TANC1: variants seen among roughly 807,000 people sequenced by gnomAD.
The protein encoded by TANC1 is tetratricopeptide repeat, ankyrin repeat and coiled-coil containing 1.
TANC1 carries 77 observed loss-of-function variants against 149.7 expected under a neutral mutation model. That is an observed-to-expected ratio of 0.51 (90% CI 0.43 to 0.62). The LOEUF is 0.62. Ranked by LOEUF, TANC1 falls within the 20% of genes least tolerant of loss-of-function variation. The probability of loss-of-function intolerance (pLI) is 0.00; values close to 1 mark genes in which losing one functional copy is unlikely to be tolerated. For synonymous variants in TANC1, 854 were observed against 925.0 expected (o/e 0.92, Z 1.39); for missense variants, 1,985 against 2,321.8 (o/e 0.85, Z 2.98).
chr2:159,103,436 T>G (rs2046919557), intron 4 of TANC1, among the ~76,000 whole-genome samples: 1 of 96,802 alleles, frequency 1.0e-5, no homozygotes, highest in Non-Finnish European at 2.9e-5. Flanking sequence ...TGGTGCTTTG[T>G]GCGGCCTAAC....
At chr2:159,093,816 A>G (rs936130895) in intron 3 of TANC1, among the ~76,000 whole-genome samples, 2 of 152,112 alleles carry the variant, frequency 1.3e-5, no homozygotes, top group African/African-American at 4.8e-5. Context: ...GCTGCTCCAA[A>G]GGCTGAAGGT....
intron 19 of TANC1, among the ~76,000 whole-genome samples, chr2:159,201,452 A>C (rs761261997): frequency 2.5e-4 from 38 of 152,190 alleles, no homozygotes; most frequent in Non-Finnish European, 5.1e-4. Context: ...GGTTCTCACC[A>C]AGGCTCAACT....
In TANC1 at chr2:159,199,027, G is replaced by A. The variant is rs2058061972; in HGVS notation, c.3218G>A (p.Gly1073Asp). The A allele has an allele frequency of 6.2e-7, 1 of 1,613,850 alleles. No individual in the cohort carries two copies. Among genetic ancestry groups the A allele is most frequent in the African/African-American group, 1.3e-5 (1 of 74,902 alleles). Residue 1073 changes from glycine to aspartate, a missense_variant, in exon 19 of 27, where the codon GGC (glycine) becomes GAC (aspartate). Gly to Asp is a moderately conservative substitution (Grantham distance 94). Around this residue, in one of 3 missense-constraint regions of TANC1, gnomAD observed 920 missense variants for 994.7 expected, o/e 0.92. Transcript: ENST00000263635. Reference protein sequence around the residue: ...MEKEHEVEVNGTDTLWGETAL... With the variant: ...MEKEHEVEVNDTDTLWGETAL... ...AAGGAACATGAAGTAGAAGTCAATG[G>A]CACCGACACATTGTGGGGAGAAACA...
intron 3 of TANC1, among the ~76,000 whole-genome samples, chr2:159,084,760 T>TG: frequency 6.6e-6 from 1 of 152,340 alleles, no homozygotes; most frequent in Non-Finnish European, 1.5e-5. Flanking sequence ...CTAAATTATC[T>TG]GGGGCTAAGT....
intron 14 of TANC1, among the ~76,000 whole-genome samples, chr2:159,180,815 G>C (rs2056394237): frequency 6.6e-6 from 1 of 152,222 alleles, no homozygotes; most frequent in Non-Finnish European, 1.5e-5. Context: ...GACACCAATT[G>C]TTGGGACAAG....
intron 2 of TANC1, among the ~76,000 whole-genome samples, chr2:159,054,036 AGT>A (rs564963949): frequency 4.2e-4 from 64 of 152,264 alleles, no homozygotes; most frequent in African/African-American, 1.4e-3. Flanking sequence ...CTAGGAGTGA[AGT>A]GTGTGTGAGC....
At chr2:159,151,099 GA>G (rs1212082383) in intron 7 of TANC1, among the ~76,000 whole-genome samples, 1 of 152,138 alleles carries the variant, frequency 6.6e-6, no homozygotes, top group African/African-American at 2.4e-5. Context: ...TAGGAGTCAG[GA>G]GACTTGGGTT....
At chr2:159,221,268 C>A (rs1007601581) in intron 22 of TANC1, among the ~76,000 whole-genome samples, 6 of 152,052 alleles carry the variant, frequency 3.9e-5, no homozygotes, top group African/African-American at 1.4e-4. Context: ...GTAATCCCAG[C>A]TACTCAGAAG....
chr2:158,980,270 T>A (rs2034147540), intron 1 of TANC1, among the ~76,000 whole-genome samples: 1 of 152,140 alleles, frequency 6.6e-6, no homozygotes, highest in Non-Finnish European at 1.5e-5. Context: ...CCAAACACAT[T>A]GAATTGTAGA....
Position 159,231,204 on chromosome 2 carries a change from G to T in TANC1, c.*192G>T. The T allele has an allele frequency of 1.9e-6, 1 of 522,376 alleles. No homozygotes were observed. 32.4% of individuals were successfully genotyped at this position (522,376 alleles called of 1,614,324 possible). On this transcript the variant is annotated 3_prime_UTR_variant, in exon 27 of 27. Transcript: ENST00000263635. ...GCTAGAAATCACCATAAATAAGAAT[G>T]CTAAACAGAATTGAAAATTATATCA...
chr2:159,231,072 TA>T lies in TANC1; in HGVS notation c.*63del. ...CGTGTGTTGACTCCTGGTGGTAAAT[TA>T]AATAGTTTTTTTCATCAGAAAAATT... is the stretch of plus-strand genomic sequence containing the variant. On this transcript the variant is annotated 3_prime_UTR_variant, in exon 27 of 27. Transcript: ENST00000263635. 7.4e-7 allele frequency: 1 copy of T among 1,343,752 alleles called. No individual in the cohort carries two copies. The highest frequency in any genetic ancestry group is 1.5e-5 in the South Asian group (1 of 66,978). The allele number at this position is 1,343,752 out of a possible 1,614,324, so 83.2% of individuals were successfully genotyped here. A position where few individuals can be genotyped will look rare whatever the true frequency, so the allele number is the denominator to read the frequency against.
intron 10 of TANC1, among the ~76,000 whole-genome samples, chr2:159,171,704 A>C (rs1034570674): frequency 1.3e-5 from 2 of 152,006 alleles, no homozygotes; most frequent in African/African-American, 4.8e-5. Flanking sequence ...TGAAAATACA[A>C]AAATTAGCTG....
chr2:159,030,831 C>T (rs2039720328), intron 2 of TANC1, among the ~76,000 whole-genome samples: 1 of 152,158 alleles, frequency 6.6e-6, no homozygotes, highest in South Asian at 2.1e-4. Context: ...TCCGGAGGCA[C>T]TGGGCTTGGA....
At chr2:159,059,829 T>TGTACAGG (rs2042099033) in intron 2 of TANC1, among the ~76,000 whole-genome samples, 1 of 151,604 alleles carries the variant, frequency 6.6e-6, no homozygotes, top group Admixed American at 6.6e-5. Context: ...GAAATTTCTG[T>TGTACAGG]GTACAGGGTT....
chr2:159,094,584 T>A (rs1000973789), intron 3 of TANC1, among the ~76,000 whole-genome samples: 3 of 152,158 alleles, frequency 2.0e-5, no homozygotes, highest in Admixed American at 1.3e-4. Flanking sequence ...ATCTGTTTCC[T>A]CGCCAGACAG....
intron 4 of TANC1, among the ~76,000 whole-genome samples, chr2:159,127,133 C>G (rs1051156696): frequency 6.6e-6 from 1 of 151,928 alleles, no homozygotes; most frequent in Non-Finnish European, 1.5e-5. Context: ...CAAAAAAATC[C>G]CATCAAAAAG....
At chr2:159,010,644 C>T (rs1371025746) in intron 2 of TANC1, among the ~76,000 whole-genome samples, 4 of 145,398 alleles carry the variant, frequency 2.8e-5, no homozygotes, top group African/African-American at 1.0e-4. Flanking sequence ...AGATTCTAAT[C>T]TGCCAAATCC....
At chr2:159,201,631 T>G (rs1483717454) in intron 19 of TANC1, among the ~76,000 whole-genome samples, 1 of 152,184 alleles carries the variant, frequency 6.6e-6, no homozygotes, top group Non-Finnish European at 1.5e-5. Context: ...CAAAACACTC[T>G]AGGATGGACT....
chr2:159,224,502 C>T (rs2059901269), intron 23 of TANC1, 138 bp downstream of exon 23: 11 of 964,182 alleles, frequency 1.1e-5, no homozygotes, highest in South Asian at 1.6e-5. Context: ...CTCAGTCTCA[C>T]TTAATCACCA....
Sources: gnomAD v4.1 joint callset for allele counts (sites outside exome capture counted in the v4.1 genomes callset) on GRCh38, gnomAD v4.1.1 for gene constraint, gnomAD v4.1.1 regional missense constraint, MANE v1.5 for transcripts, NCBI Gene and HGNC (gene_info 2026-07-23, HGNC 2026-07-21) for gene names.